The following LSAMP variants were observed in gnomAD, a reference collection of about 807,000 sequenced individuals.
LSAMP encodes limbic system-associated membrane protein.
LSAMP carries 7 observed loss-of-function variants against 38.6 expected under a neutral mutation model. The observed-to-expected ratio is 0.18, with a 90% CI of 0.10 to 0.34. LSAMP has a LOEUF of 0.34. Among genes scored for constraint, LSAMP ranks in the 10% least tolerant of loss-of-function variants. LSAMP has a pLI of 1.00. For missense variants in LSAMP, 313 were observed against 420.0 expected, an observed-to-expected ratio of 0.75 and a Z score of 2.23; for synonymous variants, 154 against 166.8, an observed-to-expected ratio of 0.92 and a Z score of 0.59.
chr3:116,126,164 A>G (rs1370306506), intron 1 of LSAMP, among the ~76,000 whole-genome samples: 1 of 152,236 alleles, frequency 6.6e-6, no homozygotes, highest in African/African-American at 2.4e-5. Context: ...ACCAAACAGG[A>G]AAGCTCAAAC....
intron 1 of LSAMP, among the ~76,000 whole-genome samples, chr3:116,216,680 G>GA (rs538406959): frequency 5.9e-5 from 9 of 151,830 alleles, no homozygotes; most frequent in South Asian, 4.2e-4. Flanking sequence ...TGTGAATAGT[G>GA]AAAAAAAATC....
intron 3 of LSAMP, among the ~76,000 whole-genome samples, chr3:115,918,772 T>C (rs1937315045): frequency 6.6e-6 from 1 of 151,726 alleles, no homozygotes; most frequent in African/African-American, 2.4e-5. Context: ...GAGGTACTCT[T>C]AACTGTCTCA....
chr3:116,085,814 C>T (rs367596517), intron 2 of LSAMP, among the ~76,000 whole-genome samples: 6 of 152,238 alleles, frequency 3.9e-5, no homozygotes, highest in African/African-American at 1.2e-4. Flanking sequence ...GAGATACAAA[C>T]TACATAGAAA....
intron 1 of LSAMP, among the ~76,000 whole-genome samples, chr3:116,275,961 A>G (rs1255497479): frequency 6.6e-6 from 1 of 152,220 alleles, no homozygotes; most frequent in African/African-American, 2.4e-5. Context: ...TAAATTACGT[A>G]AAGTTTTTGA....
intron 2 of LSAMP, among the ~76,000 whole-genome samples, chr3:116,061,965 G>A (rs1941601988): frequency 6.6e-6 from 1 of 152,086 alleles, no homozygotes; most frequent in Admixed American, 6.6e-5. Flanking sequence ...TGAAATAGGG[G>A]CACTTACTCC....
chr3:115,961,294 C>T (rs1559898059), intron 3 of LSAMP, among the ~76,000 whole-genome samples: 1 of 152,118 alleles, frequency 6.6e-6, no homozygotes, highest in African/African-American at 2.4e-5. Flanking sequence ...TAGGAAGCAC[C>T]AAATCATAGC....
intron 1 of LSAMP, among the ~76,000 whole-genome samples, chr3:116,110,585 T>C (rs1327361735): frequency 2.0e-5 from 3 of 151,946 alleles, no homozygotes; most frequent in Non-Finnish European, 4.4e-5. Flanking sequence ...GGCGCCAAGA[T>C]TGAAAGGAGA....
At chr3:115,819,194 C>A (rs1008101771) in intron 6 of LSAMP, among the ~76,000 whole-genome samples, 1 of 151,806 alleles carries the variant, frequency 6.6e-6, no homozygotes, top group Non-Finnish European at 1.5e-5. Flanking sequence ...GCCTGTAATC[C>A]CAGCACTTTG....
intron 1 of LSAMP, among the ~76,000 whole-genome samples, chr3:116,203,669 C>T (rs545404369): frequency 0.017 from 2,510 of 150,230 alleles, 38 homozygotes; most frequent in Non-Finnish European, 0.024. Context: ...TTTGTTCTTG[C>T]GATAGTTTAC....
intron 2 of LSAMP, among the ~76,000 whole-genome samples, chr3:116,073,726 C>T (rs11706905): frequency 0.054 from 8,163 of 152,200 alleles, 260 homozygotes; most frequent in Middle Eastern, 0.082. Context: ...TGGACTGAGA[C>T]CATGCTACTA....
chr3:116,096,955 G>T (rs150291761), intron 1 of LSAMP, among the ~76,000 whole-genome samples: 1 of 152,328 alleles, frequency 6.6e-6, no homozygotes, highest in East Asian at 1.9e-4. Context: ...GAGAGGATGA[G>T]AAACAACTTT....
chr3:116,348,881 C>A (rs2048099203), intron 1 of LSAMP, among the ~76,000 whole-genome samples: 1 of 152,066 alleles, frequency 6.6e-6, no homozygotes, highest in African/African-American at 2.4e-5. Context: ...AATTACCTGG[C>A]CAAAGCTATT....
Position 116,269,776 on chromosome 3 carries a change from TTTGATCAA to T in LSAMP, c.155+175093_155+175100del, listed in dbSNP as rs553394619. Among the ~76,000 whole-genome samples the T allele has an allele frequency of 9.9e-5, 15 of 152,280 alleles. No homozygotes were observed. In the East Asian group the frequency reaches 2.5e-3, roughly 25 times the overall value. ...TTACTGAAAGGCACATGGTTCTTTG[TTTGATCAA>T]TTGATCAAGATCACAAATGAATTTG... On this transcript the variant is annotated intron_variant, in intron 1 of 6. Coordinates refer to ENST00000490035, the MANE Select transcript of LSAMP (RefSeq NM_002338.5).
chr3:116,145,111 G>A (rs1709461542), intron 1 of LSAMP, among the ~76,000 whole-genome samples: 1 of 151,896 alleles, frequency 6.6e-6, no homozygotes, highest in East Asian at 1.9e-4. Flanking sequence ...AGGTGGCTTT[G>A]TGGAAATTTG....
At chr3:116,209,005 G>T (rs938831911) in intron 1 of LSAMP, among the ~76,000 whole-genome samples, 2 of 152,204 alleles carry the variant, frequency 1.3e-5, no homozygotes, top group Admixed American at 1.3e-4. Context: ...GAGCCTCGCT[G>T]CCGCCTTGCA....
At chr3:116,358,349 A>G (rs1315737972) in intron 1 of LSAMP, among the ~76,000 whole-genome samples, 1 of 152,168 alleles carries the variant, frequency 6.6e-6, no homozygotes, top group East Asian at 1.9e-4. Flanking sequence ...ATATAGTAAT[A>G]TACAGTATAT....
At chr3:116,413,428 A>C (rs141051771) in intron 1 of LSAMP, among the ~76,000 whole-genome samples, 4,545 of 152,140 alleles carry the variant, frequency 0.03, 96 homozygotes, top group South Asian at 0.089. Context: ...GTCTTTGCAG[A>C]TATTCTATAT....
chr3:116,072,589 T>G (rs1576346176), intron 2 of LSAMP, among the ~76,000 whole-genome samples: 1 of 152,282 alleles, frequency 6.6e-6, no homozygotes, highest in East Asian at 1.9e-4. Context: ...ATAATTGCCA[T>G]TTTGACTGGT....
intron 1 of LSAMP, among the ~76,000 whole-genome samples, chr3:116,275,619 A>G (rs1304440244): frequency 1.3e-5 from 2 of 152,170 alleles, no homozygotes; most frequent in East Asian, 3.9e-4. Flanking sequence ...CTGCTGCAGA[A>G]AAATTGTGAA....
Sources: gnomAD v4.1 joint callset for allele counts (sites outside exome capture counted in the v4.1 genomes callset) on GRCh38, gnomAD v4.1.1 for gene constraint, MANE v1.5 for transcripts, NCBI Gene and HGNC (gene_info 2026-07-23, HGNC 2026-07-21) for gene names.